ROBO1: variants seen among roughly 807,000 people sequenced by gnomAD.
ROBO1 encodes the protein roundabout guidance receptor 1, also known as roundabout homolog 1.
Under a neutral mutation model 195.9 loss-of-function variants are expected in ROBO1, and 149 were observed. The observed-to-expected ratio is 0.76, with a 90% CI of 0.67 to 0.87. The LOEUF (loss-of-function observed/expected upper bound fraction) is 0.87. Among genes scored for constraint, ROBO1 ranks in the 40% least tolerant of loss-of-function variants. ROBO1 has a pLI of 0.00. For missense variants in ROBO1, 1,933 were observed against 2,068.3 expected (o/e 0.93, Z 1.27); for synonymous variants, 816 against 733.2 (o/e 1.11, Z -1.82).
intron 4 of ROBO1, among the ~76,000 whole-genome samples, chr3:78,848,404 G>C (rs139622486): frequency 6.6e-6 from 1 of 152,184 alleles, no homozygotes; most frequent in African/African-American, 2.4e-5. Flanking sequence ...GGATAAGGTA[G>C]TGAACAAAGG....
chr3:79,644,102 G>T (rs1285497081), intron 1 of ROBO1, among the ~76,000 whole-genome samples: 1 of 152,038 alleles, frequency 6.6e-6, no homozygotes, highest in Admixed American at 6.6e-5. Context: ...ATTGTAAAAA[G>T]ATAATAAAAT....
At position 79,169,644 on chromosome 3, in the gene ROBO1, G is replaced by A. The variant is rs141136403; in HGVS notation, c.89-44105C>T. 3.5e-3 allele frequency among the ~76,000 whole-genome samples: 525 copies of A among 152,110 alleles called. 3 individuals are homozygous for A. Among genetic ancestry groups the A allele is most frequent in the African/African-American group, 0.012 (498 of 41,512 alleles). ...TAGGCATTATAATAAGATCCCTTAG[G>A]GTGGTTAAATTGTGTAAGTACTTAA... On this transcript the variant is annotated intron_variant, in intron 2 of 30. Coordinates refer to ENST00000464233, the MANE Select transcript of ROBO1 (RefSeq NM_002941.4).
chr3:79,760,639 T>C (rs575630729), intron 1 of ROBO1, among the ~76,000 whole-genome samples: 1 of 149,354 alleles, frequency 6.7e-6, no homozygotes, highest in Non-Finnish European at 1.5e-5. Flanking sequence ...GAATGTTCTA[T>C]GAAAACATGC....
intron 2 of ROBO1, among the ~76,000 whole-genome samples, chr3:79,516,887 T>C (rs966820940): frequency 6.6e-6 from 1 of 152,198 alleles, no homozygotes; most frequent in African/African-American, 2.4e-5. Flanking sequence ...GAAAGAAAGA[T>C]AATGCACTAT....
intron 23 of ROBO1, among the ~76,000 whole-genome samples, chr3:78,635,194 C>CA (rs1705419870): frequency 6.6e-6 from 1 of 152,096 alleles, no homozygotes; most frequent in African/African-American, 2.4e-5. Flanking sequence ...ATACTAAACT[C>CA]AATTTATTTT....
intron 4 of ROBO1, among the ~76,000 whole-genome samples, chr3:78,782,437 T>A (rs556540388): frequency 1.8e-4 from 27 of 152,228 alleles, no homozygotes; most frequent in African/African-American, 6.3e-4. Context: ...CCTCAAGTGA[T>A]CCTCCCACCT....
In ROBO1 at chr3:78,617,789, T is replaced by G. The variant is rs1164561900; in HGVS notation, c.4128A>C (p.Ser1376=). The change falls in exon 27 of 31, where the codon TCA becomes TCC. Residue 1376 remains serine (S), a synonymous_variant. Transcript: ENST00000464233. ...TGGAAATGTTGTCCTCCTCTGAGGC[T>G]GAGCCCCAGCCGTTGATCATGGACC... ...VTGSMINGWG[S]ASEEDNISSG... 1 of 1,613,936 alleles carries G rather than the reference T, an allele frequency of 6.2e-7. No homozygotes were observed. Among genetic ancestry groups the G allele is most frequent in the Non-Finnish European group, 8.5e-7 (1 of 1,179,862 alleles).
Position 78,746,746 on chromosome 3 carries a change from T to TGAA in ROBO1, c.653_654insTTC (p.Ile218_Thr219insSer). Reference sequence around the variant, plus strand: ...TGCTGTTGAATTAAATACTCACAGTTATTCTTTCATCTTTATCATCCAGTG... The same window carrying TGAA: ...TGCTGTTGAATTAAATACTCACAGTTGAAATTCTTTCATCTTTATCATCCAGTG... On this transcript the variant is annotated inframe_insertion, in exon 5 of 31. Transcript: ENST00000464233. 1 of 1,514,748 alleles carries TGAA rather than the reference T, an allele frequency of 6.6e-7. No homozygotes were observed. The highest frequency in any genetic ancestry group is 8.9e-7 in the Non-Finnish European group (1 of 1,118,092). The allele number at this position is 1,514,748 out of a possible 1,614,324, so 93.8% of individuals were successfully genotyped here. A position where few individuals can be genotyped will look rare whatever the true frequency, so the allele number is the denominator to read the frequency against.
chr3:79,481,612 T>C (rs943270059), intron 2 of ROBO1, among the ~76,000 whole-genome samples: 2 of 152,178 alleles, frequency 1.3e-5, no homozygotes, highest in South Asian at 2.1e-4. Context: ...TGGTCAAGTT[T>C]CTTGAACTGG....
intron 3 of ROBO1, among the ~76,000 whole-genome samples, chr3:79,114,540 G>A (rs554659889): frequency 2.6e-5 from 4 of 151,982 alleles, no homozygotes; most frequent in Non-Finnish European, 4.4e-5. Flanking sequence ...GGTGAACTTA[G>A]GCTCATAGAT....
At chr3:79,168,211 A>T (rs544274513) in intron 2 of ROBO1, among the ~76,000 whole-genome samples, 15 of 152,288 alleles carry the variant, frequency 9.8e-5, no homozygotes, top group African/African-American at 3.6e-4. Flanking sequence ...GCCAACAGTG[A>T]CAGTTTACCC....
chr3:79,486,073 T>G (rs746345757), intron 2 of ROBO1, among the ~76,000 whole-genome samples: 24 of 152,200 alleles, frequency 1.6e-4, no homozygotes, highest in Admixed American at 2.6e-4. Context: ...ATGTTATTCT[T>G]TATTATTATC....
chr3:79,144,217 G>A (rs1168589943), intron 2 of ROBO1, among the ~76,000 whole-genome samples: 1 of 151,998 alleles, frequency 6.6e-6, no homozygotes, highest in African/African-American at 2.4e-5. Context: ...TAAATGCCAA[G>A]GGCATTTGGT....
chr3:79,548,887 T>C (rs1338177567), intron 2 of ROBO1, among the ~76,000 whole-genome samples: 1 of 152,074 alleles, frequency 6.6e-6, no homozygotes, highest in Admixed American at 6.6e-5. Flanking sequence ...GCACTGAGAG[T>C]ACCAATCAGT....
chr3:78,727,026 G>A (rs1326914145), intron 5 of ROBO1, among the ~76,000 whole-genome samples: 1 of 152,024 alleles, frequency 6.6e-6, no homozygotes, highest in African/African-American at 2.4e-5. Flanking sequence ...TTTAATGTTA[G>A]ACAGTTCAGA....
At chr3:78,916,076 C>T (rs947778887) in intron 4 of ROBO1, among the ~76,000 whole-genome samples, 7 of 151,244 alleles carry the variant, frequency 4.6e-5, no homozygotes, top group African/African-American at 1.7e-4. Flanking sequence ...ACAGTGAAAC[C>T]CCGTCTCTAC....
intron 2 of ROBO1, among the ~76,000 whole-genome samples, chr3:79,462,559 C>T (rs896035276): frequency 1.3e-5 from 2 of 152,038 alleles, no homozygotes; most frequent in African/African-American, 4.8e-5. Context: ...AATTACTAGA[C>T]AATGAAGCAC....
At chr3:79,247,657 T>C (rs2082649313) in intron 2 of ROBO1, among the ~76,000 whole-genome samples, 1 of 152,044 alleles carries the variant, frequency 6.6e-6, no homozygotes, top group South Asian at 2.1e-4. Context: ...AAAATCTCAT[T>C]TCAAGCTTCA....
intron 21 of ROBO1, among the ~76,000 whole-genome samples, chr3:78,640,587 T>C (rs963401554): frequency 6.6e-6 from 1 of 152,112 alleles, no homozygotes; most frequent in African/African-American, 2.4e-5. Flanking sequence ...AGAATATTAG[T>C]GTTCATTTTG....
Sources: allele counts gnomAD v4.1 joint callset (sites outside exome capture counted in the v4.1 genomes callset), GRCh38; gene constraint gnomAD v4.1.1; transcripts MANE v1.5; gene names NCBI Gene and HGNC (gene_info 2026-07-23, HGNC 2026-07-21).